TPMT: variants seen among roughly 807,000 people sequenced by gnomAD.
TPMT encodes thiopurine S-methyltransferase, also known as S-adenosyl-L-methionine:thiopurine S-methyltransferase.
Under a neutral mutation model 34.2 loss-of-function variants are expected in TPMT, and 18 were observed. The ratio of observed to expected loss-of-function variants is 0.53; its 90% CI spans 0.36 to 0.78. The LOEUF (loss-of-function observed/expected upper bound fraction) is 0.78, where lower values mean the gene tolerates loss of function less well. TPMT is among the 30% of genes least tolerant of loss of function. The probability of loss-of-function intolerance (pLI) is 0.00; values close to 1 mark genes in which losing one functional copy is unlikely to be tolerated. For missense variants in TPMT, 265 were observed against 288.1 expected, an observed-to-expected ratio of 0.92 and a Z score of 0.58; for synonymous variants, 69 against 92.4, an observed-to-expected ratio of 0.75 and a Z score of 1.45.
In TPMT at chr6:18,149,079, C is replaced by G. The variant is rs772470049; in HGVS notation, c.49G>C (p.Glu17Gln). The G allele has an allele frequency of 1.3e-5, 21 of 1,613,998 alleles. No homozygotes were observed. The highest frequency in any genetic ancestry group is 1.6e-5 in the Non-Finnish European group (19 of 1,180,020). The change falls in exon 2 of 9, where the codon GAG becomes CAG. Residue 17 changes from glutamate (E) to glutamine (Q), a missense_variant. Coordinates refer to ENST00000309983, the MANE Select transcript of TPMT (RefSeq NM_000367.5). This position sits in a 1 kb window ranked among gnomAD's most constrained non-coding sequence, Gnocchi z 5.0. ...GTTAGTACTTGGTTTTTCTGTACCT[C>G]AGTATCCGAGTACTCTTCAATGTCA... is the stretch of plus-strand genomic sequence containing the variant. ...SLDIEEYSDTEVQKNQVLTLE... is the reference protein window; with the variant it reads ...SLDIEEYSDTQVQKNQVLTLE...
rs538361641 is a variant in TPMT, at chr6:18,149,471, G to GTT, written c.-44-302_-44-301dup. On this transcript the variant is annotated intron_variant, in intron 1 of 8. Transcript: ENST00000309983. The surrounding 1 kb of genome is among the most constrained non-coding windows in gnomAD (Gnocchi z 5.0). ...ATGCCCAGCTAATCTTTCTTTCCTT[G>GTT]TTTTTTTTTTTTTCAGAGACAAGGT... 7.8e-5 allele frequency among the ~76,000 whole-genome samples: 11 copies of GTT among 140,400 alleles called. No homozygotes were observed. Among genetic ancestry groups the GTT allele is most frequent in the African/African-American group, 2.9e-4 (11 of 38,428 alleles). The allele number at this position is 140,400 out of a possible 152,430, so 92.1% of individuals were successfully genotyped here.
chr6:18,145,320 C>T lies in TPMT; in HGVS notation c.234-1592G>A, dbSNP rs1239913764. On this transcript the variant is annotated intron_variant, in intron 3 of 8. Coordinates refer to ENST00000309983, the MANE Select transcript of TPMT (RefSeq NM_000367.5). This position sits in a 1 kb window ranked among gnomAD's most constrained non-coding sequence, Gnocchi z 5.6. ...ATGGTTGAGAAATAGATAAATACTACAATATGGCACTTTACGGTGAAAAAG... is the reference window on the plus strand; with the variant it reads ...ATGGTTGAGAAATAGATAAATACTATAATATGGCACTTTACGGTGAAAAAG... Among the ~76,000 whole-genome samples, 1 of 152,128 alleles carries T rather than the reference C, an allele frequency of 6.6e-6. No individual in the cohort carries two copies. Among genetic ancestry groups the T allele is most frequent in the African/African-American group, 2.4e-5 (1 of 41,426 alleles).
chr6:18,153,716 G>A lies in TPMT; in HGVS notation c.-45+1317C>T, dbSNP rs1240349055. 6.6e-6 allele frequency among the ~76,000 whole-genome samples: 1 copy of A among 152,108 alleles called. No individual in the cohort carries two copies. Among genetic ancestry groups the A allele is most frequent in the African/African-American group, 2.4e-5 (1 of 41,400 alleles). On this transcript the variant is annotated intron_variant, in intron 1 of 8. Transcript: ENST00000309983. The surrounding 1 kb of genome is among the most constrained non-coding windows in gnomAD (Gnocchi z 4.2). ...GTAGAAAGTATCTGATTTATATTGGGTACAGAAAAGCAAAAGAATGTTGCA... is the reference window on the plus strand; with the variant it reads ...GTAGAAAGTATCTGATTTATATTGGATACAGAAAAGCAAAAGAATGTTGCA...
rs990506513 is a variant in TPMT at position 18,148,094 on chromosome 6, A to G, written c.141-179T>C. 1.5e-4 allele frequency among the ~76,000 whole-genome samples: 23 copies of G among 152,228 alleles called. No homozygotes were observed. The highest frequency in any genetic ancestry group is 5.1e-4 in the African/African-American group (21 of 41,448). On this transcript the variant is annotated intron_variant, in intron 2 of 8. Coordinates refer to ENST00000309983, the MANE Select transcript of TPMT (RefSeq NM_000367.5). The surrounding 1 kb of genome is among the most constrained non-coding windows in gnomAD (Gnocchi z 4.1). ...CTCAGACACACACCCAGTCAGTGGT[A>G]AATCTGACTTACACCCAGGGCTTTC...
chr6:18,151,916 A>G (rs1784361335), intron 1 of TPMT, among the ~76,000 whole-genome samples: 1 of 152,200 alleles, frequency 6.6e-6, no homozygotes. Flanking sequence ...TATTCAATTA[A>G]TCCTCACGTT....
Position 18,139,110 on chromosome 6 carries a change from G to T in TPMT, c.420-73C>A. The T allele has an allele frequency of 8.0e-7, 1 of 1,247,736 alleles. No homozygotes were observed. The highest frequency in any genetic ancestry group is 1.2e-6 in the Non-Finnish European group (1 of 845,758). 77.3% of individuals were successfully genotyped at this position (1,247,736 alleles called of 1,614,324 possible). Reference sequence around the variant, plus strand: ...AAGAAGATGAGCAGCGTCCCCCATGGTGCATGCTGGTACTTCAACAATCGT... The same window carrying T: ...AAGAAGATGAGCAGCGTCCCCCATGTTGCATGCTGGTACTTCAACAATCGT... On this transcript the variant is annotated intron_variant, in intron 5 of 8. Transcript: ENST00000309983. This position sits in a 1 kb window ranked among gnomAD's most constrained non-coding sequence, Gnocchi z 4.2.
intron 4 of TPMT, among the ~76,000 whole-genome samples, chr6:18,141,048 T>C (rs537818832): frequency 6.2e-4 from 94 of 152,270 alleles, no homozygotes; most frequent in African/African-American, 2.2e-3. Flanking sequence ...TGCCTGCAGA[T>C]TGGAATCAAG....
intron 6 of TPMT, among the ~76,000 whole-genome samples, chr6:18,134,239 G>A (rs1784001060): frequency 6.6e-6 from 1 of 152,122 alleles, no homozygotes; most frequent in South Asian, 2.1e-4. Context: ...GAGGACAGTG[G>A]TTTCTAGACC....
rs1400434556 is a variant in TPMT, at chr6:18,146,658, T to C, written c.233+1165A>G. Among the ~76,000 whole-genome samples, 1 of 152,202 alleles carries C rather than the reference T, an allele frequency of 6.6e-6. No homozygotes were observed. Among genetic ancestry groups the C allele is most frequent in the Non-Finnish European group, 1.5e-5 (1 of 68,046 alleles). On this transcript the variant is annotated intron_variant, in intron 3 of 8. Transcript: ENST00000309983. This position sits in a 1 kb window ranked among gnomAD's most constrained non-coding sequence, Gnocchi z 6.2. Reference sequence around the variant, plus strand: ...TGACAATCTGTTTATAGAGTTAATTTTTTTTGAGGGTAATTTTGAAAGTAA... The same window carrying C: ...TGACAATCTGTTTATAGAGTTAATTCTTTTTGAGGGTAATTTTGAAAGTAA...
In TPMT at chr6:18,148,887, G is replaced by A; in HGVS notation, c.140+101C>T. Reference sequence around the variant, plus strand: ...CACAAAAATGTGAAGAATTAAATGTGCATCCTAAAAGTTAGTCAAATAATG... The same window carrying A: ...CACAAAAATGTGAAGAATTAAATGTACATCCTAAAAGTTAGTCAAATAATG... On this transcript the variant is annotated intron_variant, in intron 2 of 8. Transcript: ENST00000309983. This position sits in a 1 kb window ranked among gnomAD's most constrained non-coding sequence, Gnocchi z 4.1. 1 of 1,537,770 alleles carries A rather than the reference G, an allele frequency of 6.5e-7. No homozygotes were observed. The highest frequency in any genetic ancestry group is 9.0e-7 in the Non-Finnish European group (1 of 1,116,906).
In TPMT at chr6:18,146,077, A is replaced by C. The variant is rs1784241272; in HGVS notation, c.233+1746T>G. ...CTATTCACATCTCATGTCTGTATAG[A>C]CCTCAATACATAGATCAGTTACATA... On this transcript the variant is annotated intron_variant, in intron 3 of 8. Coordinates refer to ENST00000309983, the MANE Select transcript of TPMT (RefSeq NM_000367.5). This position sits in a 1 kb window ranked among gnomAD's most constrained non-coding sequence, Gnocchi z 6.2. 6.6e-6 allele frequency among the ~76,000 whole-genome samples: 1 copy of C among 152,118 alleles called. No individual in the cohort carries two copies. Among genetic ancestry groups the C allele is most frequent in the Non-Finnish European group, 1.5e-5 (1 of 68,028 alleles).
chr6:18,152,995 T>G (rs991767829), intron 1 of TPMT, among the ~76,000 whole-genome samples: 1 of 152,240 alleles, frequency 6.6e-6, no homozygotes, highest in Non-Finnish European at 1.5e-5. Context: ...CTCCATCCTG[T>G]GATTGTGGTA....
chr6:18,142,714 C>A (rs993820356), intron 4 of TPMT, among the ~76,000 whole-genome samples: 2 of 152,058 alleles, frequency 1.3e-5, no homozygotes, highest in African/African-American at 4.8e-5. Flanking sequence ...ACCTTCACCA[C>A]TCCACAGGTC....
chr6:18,141,630 A>G (rs1221188352), intron 4 of TPMT, among the ~76,000 whole-genome samples: 1 of 152,128 alleles, frequency 6.6e-6, no homozygotes, highest in African/African-American at 2.4e-5. Context: ...ATGAGCCACC[A>G]TGCCCAGCTG....
chr6:18,151,171 T>A (rs998522271), intron 1 of TPMT, among the ~76,000 whole-genome samples: 1 of 149,418 alleles, frequency 6.7e-6, no homozygotes, highest in Non-Finnish European at 1.5e-5. Flanking sequence ...CTCATTTTTT[T>A]AACTTCTTCT....
chr6:18,153,292 T>C lies in TPMT; in HGVS notation c.-45+1741A>G, dbSNP rs1035951765. Among the ~76,000 whole-genome samples the C allele has an allele frequency of 2.0e-5, 3 of 152,230 alleles. No homozygotes were observed. Among genetic ancestry groups the C allele is most frequent in the African/African-American group, 7.2e-5 (3 of 41,464 alleles). On this transcript the variant is annotated intron_variant, in intron 1 of 8. Transcript: ENST00000309983. The surrounding 1 kb of genome is among the most constrained non-coding windows in gnomAD (Gnocchi z 4.2). Reference sequence around the variant, plus strand: ...AATTATGAACTTCTCATTCTTCAGCTGACAGACCATAACTGCAGATCCATC... The same window carrying C: ...AATTATGAACTTCTCATTCTTCAGCCGACAGACCATAACTGCAGATCCATC...
chr6:18,152,083 T>G (rs1784364507), intron 1 of TPMT, among the ~76,000 whole-genome samples: 1 of 152,178 alleles, frequency 6.6e-6, no homozygotes, highest in South Asian at 2.1e-4. Context: ...ATCTGGGGAT[T>G]TGGCCTGTTC....
rs960587906 is a variant in TPMT, at chr6:18,130,886, C to T, written c.626-106G>A. 7 of 873,670 alleles carry T rather than the reference C, an allele frequency of 8.0e-6. No homozygotes were observed. The highest frequency in any genetic ancestry group is 6.7e-5 in the African/African-American group (4 of 59,818). 54.1% of individuals were successfully genotyped at this position (873,670 alleles called of 1,614,324 possible). A position where few individuals can be genotyped will look rare whatever the true frequency, so the allele number is the denominator to read the frequency against. The stretch of plus-strand genomic sequence containing the variant: ...GGGTGCGGTGGCTCACACCTGTAAT[C>T]CCAACACTTTGGGAGGCCGAGGCAG... On this transcript the variant is annotated intron_variant, in intron 8 of 8. Transcript: ENST00000309983. The surrounding 1 kb of genome is among the most constrained non-coding windows in gnomAD (Gnocchi z 4.2).
chr6:18,134,571 A>T (rs1397359122), intron 6 of TPMT, among the ~76,000 whole-genome samples: 1 of 152,212 alleles, frequency 6.6e-6, no homozygotes, highest in Non-Finnish European at 1.5e-5. Flanking sequence ...ATTGGCTCAG[A>T]GTGGGAAGCT....
Sources: gnomAD v4.1 joint callset for allele counts (sites outside exome capture counted in the v4.1 genomes callset) on GRCh38, gnomAD v4.1.1 for gene constraint, Gnocchi (gnomAD v3.1) non-coding constraint, MANE v1.5 for transcripts, NCBI Gene and HGNC (gene_info 2026-07-23, HGNC 2026-07-21) for gene names.